UTS2: variants seen among roughly 807,000 people sequenced by gnomAD.
The protein encoded by UTS2 is urotensin-2.
A neutral mutation model predicts 12.6 loss-of-function variants in UTS2; 10 were observed. That is an observed-to-expected ratio of 0.80 (90% CI 0.49 to 1.35). UTS2 has a LOEUF of 1.35. Among genes scored for constraint, UTS2 ranks in the 40% most tolerant of loss-of-function variants. The probability of loss-of-function intolerance (pLI) is 0.00; values close to 1 mark genes in which losing one functional copy is unlikely to be tolerated. For missense variants in UTS2, 142 were observed against 143.2 expected, an observed-to-expected ratio of 0.99 and a Z score of 0.04; for synonymous variants, 52 against 50.0, an observed-to-expected ratio of 1.04 and a Z score of -0.17.
chr1:7,867,848 C>T, the UTS2 span, among the ~76,000 whole-genome samples: 2 of 152,118 alleles, frequency 1.3e-5, no homozygotes, highest in East Asian at 3.9e-4. Flanking sequence ...TGTCCTCCAG[C>T]CTGGGCAACG....
rs374383750 is a variant in UTS2, at chr1:7,849,575, A to G, written c.258+65T>C. The stretch of plus-strand genomic sequence containing the variant: ...ACACTCCTCTAGTTCATGAATTCAG[A>G]GTCCTGTAAAACCAGTACAGAATGT... On this transcript the variant is annotated intron_variant, in intron 3 of 3. Coordinates refer to ENST00000361696, the MANE Select transcript of UTS2 (RefSeq NM_006786.4). 1.0e-4 allele frequency: 144 copies of G among 1,393,676 alleles called. 1 individual carries two copies. In the African/African-American group the frequency reaches 1.5e-3, roughly 14 times the overall value. 86.3% of individuals were successfully genotyped at this position (1,393,676 alleles called of 1,614,324 possible). A position where few individuals can be genotyped will look rare whatever the true frequency, so the allele number is the denominator to read the frequency against.
chr1:7,896,272 A>G, the UTS2 span, among the ~76,000 whole-genome samples: 2 of 152,194 alleles, frequency 1.3e-5, no homozygotes, highest in African/African-American at 4.8e-5. Flanking sequence ...AAAAAAAAAA[A>G]GTGTCCCTAC....
chr1:7,872,010 G>A, the UTS2 span, among the ~76,000 whole-genome samples: 1 of 152,104 alleles, frequency 6.6e-6, no homozygotes. Context: ...AGTTAGAAAT[G>A]ATTAAGTTTG....
At chr1:7,869,765 G>A in the UTS2 span, among the ~76,000 whole-genome samples, 4 of 152,210 alleles carry the variant, frequency 2.6e-5, no homozygotes, top group East Asian at 1.9e-4. Flanking sequence ...TATCTGCTCC[G>A]CTTATTGATC....
At chr1:7,872,299 C>CAAAAAAAAAAAAAA in the UTS2 span, among the ~76,000 whole-genome samples, 7 of 65,888 alleles carry the variant, frequency 1.1e-4, no homozygotes, top group Non-Finnish European at 1.4e-4. Flanking sequence ...GACTCTGTCT[C>CAAAAAAAAAAAAAA]AAAAAAAAAA....
chr1:7,859,081 T>C, the UTS2 span, among the ~76,000 whole-genome samples: 22 of 152,182 alleles, frequency 1.4e-4, no homozygotes, highest in Non-Finnish European at 2.8e-4. Flanking sequence ...ACCATTTTTA[T>C]GCGCAGACTT....
chr1:7,852,890 A>T lies in UTS2; in HGVS notation c.103+11T>A. On this transcript the variant is annotated intron_variant, in intron 1 of 3. Transcript: ENST00000361696. ...TTCAAGACTAACATAAGGGGAAAAA[A>T]AAAATCTTACCTGAGAGTTGAAAGG... The T allele has an allele frequency of 6.2e-7, 1 of 1,600,252 alleles. No individual in the cohort carries two copies. Among genetic ancestry groups the T allele is most frequent in the Non-Finnish European group, 8.5e-7 (1 of 1,175,822 alleles).
At chr1:7,868,431 G>C in the UTS2 span, among the ~76,000 whole-genome samples, 1 of 152,118 alleles carries the variant, frequency 6.6e-6, no homozygotes, top group Non-Finnish European at 1.5e-5. Flanking sequence ...AACATCTATT[G>C]AGGCAGCCTG....
the UTS2 span, among the ~76,000 whole-genome samples, chr1:7,908,953 C>T: frequency 6.6e-6 from 1 of 151,936 alleles, no homozygotes; most frequent in African/African-American, 2.4e-5. Context: ...ACTACAGGTG[C>T]GTGCCACCAC....
chr1:7,861,087 G>C, the UTS2 span, among the ~76,000 whole-genome samples: 1 of 151,022 alleles, frequency 6.6e-6, no homozygotes, highest in Non-Finnish European at 1.5e-5. Flanking sequence ...CTGTGAAGAG[G>C]TCAGATCCCT....
the UTS2 span, among the ~76,000 whole-genome samples, chr1:7,882,254 G>A: frequency 6.6e-6 from 1 of 152,110 alleles, no homozygotes; most frequent in Admixed American, 6.6e-5. Flanking sequence ...AGTATTGCTT[G>A]AGCCCAGGAA....
At chr1:7,903,767 C>T in the UTS2 span, among the ~76,000 whole-genome samples, 1 of 152,064 alleles carries the variant, frequency 6.6e-6, no homozygotes, top group Non-Finnish European at 1.5e-5. Flanking sequence ...AGGAGTGTCA[C>T]ATAGCTACAT....
chr1:7,911,554 G>C, the UTS2 span, among the ~76,000 whole-genome samples: 1 of 152,072 alleles, frequency 6.6e-6, no homozygotes, highest in Admixed American at 6.6e-5. Flanking sequence ...CAAAATTACT[G>C]GGTCCAAAGC....
At chr1:7,875,381 G>A in the UTS2 span, among the ~76,000 whole-genome samples, 31 of 152,154 alleles carry the variant, frequency 2.0e-4, no homozygotes, top group Admixed American at 1.2e-3. Flanking sequence ...GCCAATTTCG[G>A]GTATTTCTTT....
chr1:7,898,603 G>A, the UTS2 span, among the ~76,000 whole-genome samples: 1 of 152,112 alleles, frequency 6.6e-6, no homozygotes, highest in South Asian at 2.1e-4. Context: ...AGCCTCCCGA[G>A]TAGCTGAGAC....
chr1:7,892,732 C>T, the UTS2 span, among the ~76,000 whole-genome samples: 6 of 151,862 alleles, frequency 4.0e-5, no homozygotes, highest in East Asian at 1.9e-4. Context: ...AGCAATTCAG[C>T]GGCCTCGGTC....
the UTS2 span, among the ~76,000 whole-genome samples, chr1:7,872,527 T>G: frequency 6.6e-6 from 1 of 152,006 alleles, no homozygotes; most frequent in Non-Finnish European, 1.5e-5. Context: ...TGGAGAAAGT[T>G]CTAGTGGTCT....
chr1:7,912,994 T>TC, the UTS2 span, among the ~76,000 whole-genome samples: 90 of 148,252 alleles, frequency 6.1e-4, no homozygotes, highest in Admixed American at 6.8e-4. Flanking sequence ...GCTTTTTCTT[T>TC]TTTTTTTTTT....
At chr1:7,904,345 C>T in the UTS2 span, among the ~76,000 whole-genome samples, 84 of 151,144 alleles carry the variant, frequency 5.6e-4, no homozygotes, top group African/African-American at 1.9e-3. Flanking sequence ...GGCATGGTGG[C>T]GCATGCCTGT....
Sources: allele counts gnomAD v4.1 joint callset (sites outside exome capture counted in the v4.1 genomes callset), GRCh38; gene constraint gnomAD v4.1.1; transcripts MANE v1.5; gene names NCBI Gene and HGNC (gene_info 2026-07-23, HGNC 2026-07-21).